Variants in TXNDC11 observed in about 807,000 individuals in gnomAD.
TXNDC11 encodes thioredoxin domain containing 11.
TXNDC11 carries 68 observed loss-of-function variants against 78.0 expected under a neutral mutation model. That is an observed-to-expected ratio of 0.87 (90% CI 0.72 to 1.07). The LOEUF is 1.07. Ranked by LOEUF, TXNDC11 falls within the 50% of genes least tolerant of loss-of-function variation. The pLI is 0.00. For missense variants in TXNDC11, 1,389 were observed against 1,221.8 expected (o/e 1.14, Z -2.04); for synonymous variants, 571 against 495.2 (o/e 1.15, Z -2.03).
In TXNDC11 at chr16:11,687,841, G is replaced by C; in HGVS notation, c.2153+16C>G. On this transcript the variant is annotated intron_variant, in intron 10 of 11. Transcript: ENST00000283033. ...TGGGCATACAGCCCAAAGCGCTGCA[G>C]AAGAGGCCTGCTTACCTTGCCACAG... The C allele has an allele frequency of 6.4e-7, 1 of 1,572,506 alleles. No individual in the cohort carries two copies. The highest frequency in any genetic ancestry group is 8.7e-7 in the Non-Finnish European group (1 of 1,143,202).
chr16:11,725,027 G>GAGCC (rs2051834794), intron 4 of TXNDC11, among the ~76,000 whole-genome samples: 1 of 152,166 alleles, frequency 6.6e-6, no homozygotes, highest in Non-Finnish European at 1.5e-5. Context: ...TTACAGGTGT[G>GAGCC]AGCCACGGGG....
intron 5 of TXNDC11, among the ~76,000 whole-genome samples, chr16:11,707,714 G>A (rs1251490697): frequency 6.6e-6 from 1 of 151,878 alleles, no homozygotes; most frequent in African/African-American, 2.4e-5. Context: ...CTCCCAAAGT[G>A]TTGGGATTAC....
chr16:11,680,552 T>C (rs989172107), intron 11 of TXNDC11, among the ~76,000 whole-genome samples: 6 of 152,190 alleles, frequency 3.9e-5, no homozygotes, highest in African/African-American at 1.4e-4. Context: ...TCTAGAAAAT[T>C]CCTCTTCAGA....
At chr16:11,697,260 T>C (rs2050883702) in intron 7 of TXNDC11, among the ~76,000 whole-genome samples, 1 of 152,186 alleles carries the variant, frequency 6.6e-6, no homozygotes, top group Non-Finnish European at 1.5e-5. Flanking sequence ...CGAGAAGTCC[T>C]GCCTCCCTGT....
In TXNDC11 at chr16:11,732,096, C is replaced by T. The variant is rs975047980; in HGVS notation, c.570-1322G>A. Among the ~76,000 whole-genome samples, 42 of 152,152 alleles carry T rather than the reference C, an allele frequency of 2.8e-4. 1 individual carries two copies. The highest frequency in any genetic ancestry group is 9.6e-4 in the African/African-American group (40 of 41,520). ...CAATGCAAAGACAGGGGTGTGGAGG[C>T]GGGCATTTCAAGGTGCGTACCACCT... On this transcript the variant is annotated intron_variant, in intron 3 of 11. Transcript: ENST00000283033.
intron 6 of TXNDC11, among the ~76,000 whole-genome samples, chr16:11,698,863 CAT>C (rs139541025): frequency 1.5e-4 from 23 of 152,382 alleles, no homozygotes; most frequent in African/African-American, 4.1e-4. Context: ...GAACTCAACA[CAT>C]GTCTTCAGCA....
At position 11,698,225 on chromosome 16, in the gene TXNDC11, C is replaced by A. The variant is rs747141326; in HGVS notation, c.1007G>T (p.Gly336Val). The change falls in exon 7 of 12, where the codon GGC becomes GTC. Residue 336 changes from glycine to valine, a missense_variant. Physicochemically the swap from Gly to Val is moderately radical, Grantham distance 109. Transcript: ENST00000283033. Reference sequence around the variant, plus strand: ...CTCGTTATTCAGCAGGAGACTCTTGCCTCCGTGTGGCCGCAGCCACCGAAA... The same window carrying A: ...CTCGTTATTCAGCAGGAGACTCTTGACTCCGTGTGGCCGCAGCCACCGAAA... Reference protein sequence around the residue: ...TLFRWLRPHGGKSLLLNNELK... With the variant: ...TLFRWLRPHGVKSLLLNNELK... The A allele has an allele frequency of 6.2e-7, 1 of 1,614,208 alleles. No individual in the cohort carries two copies. The highest frequency in any genetic ancestry group is 8.5e-7 in the Non-Finnish European group (1 of 1,180,010).
intron 10 of TXNDC11, among the ~76,000 whole-genome samples, chr16:11,686,662 C>G (rs1239561009): frequency 3.3e-5 from 5 of 152,168 alleles, no homozygotes; most frequent in African/African-American, 1.2e-4. Flanking sequence ...TTAAATGATA[C>G]TTTGTTACTG....
chr16:11,740,711 C>T (rs1480086252), intron 1 of TXNDC11, among the ~76,000 whole-genome samples: 1 of 152,212 alleles, frequency 6.6e-6, no homozygotes, highest in East Asian at 1.9e-4. Flanking sequence ...ATAAAGGATT[C>T]AAATTCCAGC....
At chr16:11,683,285 T>C (rs2050478363) in intron 11 of TXNDC11, among the ~76,000 whole-genome samples, 1 of 152,174 alleles carries the variant, frequency 6.6e-6, no homozygotes, top group African/African-American at 2.4e-5. Flanking sequence ...GCACCTGGAA[T>C]ACTGATTAGG....
intron 3 of TXNDC11, 26 bp from the exon 4 acceptor site, chr16:11,730,800 A>G: frequency 6.9e-7 from 1 of 1,443,788 alleles, no homozygotes; most frequent in Non-Finnish European, 9.3e-7. Context: ...AAAAATAAAA[A>G]TAAAAATAAT....
intron 10 of TXNDC11, among the ~76,000 whole-genome samples, chr16:11,685,678 A>G (rs763309300): frequency 4.6e-5 from 7 of 152,022 alleles, no homozygotes; most frequent in Non-Finnish European, 7.4e-5. Context: ...AAAAACAACA[A>G]CAGCAACAAA....
At chr16:11,716,086 A>C (rs1049865193) in intron 5 of TXNDC11, among the ~76,000 whole-genome samples, 2 of 152,244 alleles carry the variant, frequency 1.3e-5, no homozygotes, top group African/African-American at 4.8e-5. Flanking sequence ...AAACAAACAC[A>C]AACACAGAAA....
chr16:11,691,702 T>C lies in TXNDC11; in HGVS notation c.1488A>G (p.Leu496=). ...AGTAGCTGAAGGGGCTATAGGAAGT[T>C]AAAAAATTGCTGCATTCTATGCTGT... ...ASDSIECSNF[L]TSYSPFSYYT... is the part of the protein sequence containing the mutation. The change falls in exon 8 of 12, where the codon TTA becomes TTG. Residue 496 remains leucine (L), a synonymous_variant. Transcript: ENST00000283033. 3 of 1,614,178 alleles carry C rather than the reference T, an allele frequency of 1.9e-6. No homozygotes were observed. Among genetic ancestry groups the C allele is most frequent in the Non-Finnish European group, 1.7e-6 (2 of 1,180,038 alleles).
intron 7 of TXNDC11, among the ~76,000 whole-genome samples, chr16:11,696,736 G>C (rs926811146): frequency 2.0e-5 from 3 of 152,154 alleles, no homozygotes; most frequent in Non-Finnish European, 4.4e-5. Flanking sequence ...AGGCCTGTTG[G>C]TAGGTGGAGG....
chr16:11,728,114 A>G (rs753865390), intron 4 of TXNDC11, among the ~76,000 whole-genome samples: 8 of 152,214 alleles, frequency 5.3e-5, no homozygotes, highest in Admixed American at 1.3e-4. Flanking sequence ...GTTCTACTCC[A>G]GGGACTCCAA....
intron 10 of TXNDC11, 140 bp downstream of exon 10, chr16:11,687,717 C>A (rs1198601162): frequency 1.6e-6 from 1 of 618,016 alleles, no homozygotes; most frequent in Non-Finnish European, 3.0e-6. Context: ...CTCATGGCTT[C>A]AACCTGACAA....
chr16:11,699,284 T>G (rs1320300771), intron 6 of TXNDC11, among the ~76,000 whole-genome samples: 1 of 152,228 alleles, frequency 6.6e-6, no homozygotes, highest in Non-Finnish European at 1.5e-5. Context: ...AGTCCTACCT[T>G]TCTTTCCCCA....
At chr16:11,738,418 G>A (rs1472649153) in intron 1 of TXNDC11, among the ~76,000 whole-genome samples, 1 of 152,230 alleles carries the variant, frequency 6.6e-6, no homozygotes, top group Non-Finnish European at 1.5e-5. Context: ...TAAGGCTGCG[G>A]CAGCTAGCAC....
Sources: gnomAD v4.1 joint callset for allele counts (sites outside exome capture counted in the v4.1 genomes callset) on GRCh38, gnomAD v4.1.1 for gene constraint, MANE v1.5 for transcripts, NCBI Gene and HGNC (gene_info 2026-07-23, HGNC 2026-07-21) for gene names.